Variants in FRRS1 observed in about 807,000 individuals in gnomAD.
FRRS1 encodes the protein ferric reductase 1.
In FRRS1, 51 loss-of-function variants were observed where a neutral mutation model predicts 70.7. That is an observed-to-expected ratio of 0.72 (90% CI 0.58 to 0.91). The LOEUF is 0.91. Among genes scored for constraint, FRRS1 ranks in the 40% least tolerant of loss-of-function variants. FRRS1 has a pLI of 0.00. For synonymous variants in FRRS1, 225 were observed against 238.7 expected (o/e 0.94, Z 0.53); for missense variants, 672 against 726.0 (o/e 0.93, Z 0.86).
chr1:99,717,561 A>C, intron 10 of FRRS1, 36 bp from the exon 11 acceptor site: 2 of 1,394,774 alleles, frequency 1.4e-6, no homozygotes, highest in African/African-American at 2.8e-5. Flanking sequence ...AGACAATCAC[A>C]AACGAATCAA....
At chr1:99,715,424 C>T (rs76704112) in intron 12 of FRRS1, among the ~76,000 whole-genome samples, 162 bp downstream of exon 12, 106 of 152,172 alleles carry the variant, frequency 7.0e-4, no homozygotes, top group African/African-American at 2.4e-3. Context: ...CTCACTATAC[C>T]CCAACCTCCA....
chr1:99,734,236 CT>C (rs547752422), intron 7 of FRRS1, among the ~76,000 whole-genome samples: 129 of 152,202 alleles, frequency 8.5e-4, no homozygotes, highest in Admixed American at 2.0e-3. Flanking sequence ...ATTGGGACAG[CT>C]GGGAAAATTG....
Position 99,708,680 on chromosome 1 carries a change from A to C in FRRS1, c.*348T>G, listed in dbSNP as rs1654133622. The C allele has an allele frequency of 5.1e-6, 1 of 194,250 alleles. No individual in the cohort carries two copies. The highest frequency in any genetic ancestry group is 2.8e-5 in the African/African-American group (1 of 35,864). 12.0% of individuals were successfully genotyped at this position (194,250 alleles called of 1,614,324 possible). On this transcript the variant is annotated 3_prime_UTR_variant, in exon 17 of 17. Coordinates refer to ENST00000646001, the MANE Select transcript of FRRS1 (RefSeq NM_001361041.2). ...TATATATATCGTAATATATCTCTTT[A>C]TTATCCTAGTGACATCTGTTGTGAT...
intron 8 of FRRS1, 96 bp from the exon 9 acceptor site, chr1:99,728,736 T>A: frequency 1.0e-6 from 1 of 990,168 alleles, no homozygotes; most frequent in Non-Finnish European, 1.5e-6. Flanking sequence ...TTCCTTTCTC[T>A]AAGATCGTAT....
At chr1:99,717,687 T>C (rs1654603384) in intron 10 of FRRS1, among the ~76,000 whole-genome samples, 162 bp from the exon 11 acceptor site, 1 of 152,214 alleles carries the variant, frequency 6.6e-6, no homozygotes. Flanking sequence ...TTTACTACCA[T>C]TACTCTTTCG....
rs1392826604 is a variant in FRRS1, at chr1:99,708,664, C to A, written c.*364G>T. On this transcript the variant is annotated 3_prime_UTR_variant, in exon 17 of 17. Coordinates refer to ENST00000646001, the MANE Select transcript of FRRS1 (RefSeq NM_001361041.2). ...TATATATATATATATATATATATAT[C>A]GTAATATATCTCTTTATTATCCTAG... The A allele has an allele frequency of 1.2e-4, 12 of 100,196 alleles. No individual in the cohort carries two copies. Among genetic ancestry groups the A allele is most frequent in the South Asian group, 2.4e-4 (1 of 4,216 alleles). 6.2% of individuals were successfully genotyped at this position (100,196 alleles called of 1,614,324 possible). A position where few individuals can be genotyped will look rare whatever the true frequency, so the allele number is the denominator to read the frequency against.
chr1:99,704,017 A>T lies in FRRS1; in HGVS notation c.*5011T>A, dbSNP rs952774955. ...TCAGCATAATGTTTTCAAGATGAAT[A>T]TCAAATATTTTTTATAAAAAGTATA... On this transcript the variant is annotated 3_prime_UTR_variant, in exon 17 of 17. Transcript: ENST00000646001. Among the ~76,000 whole-genome samples, 2 of 152,190 alleles carry T rather than the reference A, an allele frequency of 1.3e-5. No individual in the cohort carries two copies. Among genetic ancestry groups the T allele is most frequent in the Admixed American group, 1.3e-4 (2 of 15,280 alleles).
chr1:99,723,481 A>C (rs1177693085), intron 9 of FRRS1, among the ~76,000 whole-genome samples: 1 of 152,180 alleles, frequency 6.6e-6, no homozygotes, highest in African/African-American at 2.4e-5. Flanking sequence ...GCACCACTGC[A>C]CTCCAGCCTG....
At chr1:99,745,105 T>C (rs997453255) in intron 4 of FRRS1, among the ~76,000 whole-genome samples, 2 of 151,974 alleles carry the variant, frequency 1.3e-5, no homozygotes, top group Non-Finnish European at 2.9e-5. Flanking sequence ...AAGTCACTTA[T>C]TAGTAAAGAA....
At position 99,728,486 on chromosome 1, in the gene FRRS1, T is replaced by C. The variant is rs1655175249; in HGVS notation, c.1006+7A>G. ...CACTTGAAAAGACAGCTTAACAATA[T>C]ACTTACCATCATTAGCTGCACCATC... On this transcript the variant is annotated splice_region_variant and intron_variant, in intron 9 of 16. Transcript: ENST00000646001. The C allele has an allele frequency of 1.9e-6, 3 of 1,605,296 alleles. No individual in the cohort carries two copies. Among genetic ancestry groups the C allele is most frequent in the Non-Finnish European group, 2.6e-6 (3 of 1,173,606 alleles).
chr1:99,723,697 A>G (rs559848409), intron 9 of FRRS1, among the ~76,000 whole-genome samples: 1 of 152,334 alleles, frequency 6.6e-6, no homozygotes, highest in South Asian at 2.1e-4. Flanking sequence ...ATATATCAAT[A>G]GAGGAACAGA....
intron 7 of FRRS1, among the ~76,000 whole-genome samples, chr1:99,734,519 T>C (rs995344690): frequency 6.6e-6 from 1 of 152,120 alleles, no homozygotes; most frequent in Non-Finnish European, 1.5e-5. Flanking sequence ...CACTGTACTA[T>C]CTTTTTAACT....
At chr1:99,757,272 T>C (rs1416228) in intron 1 of FRRS1, among the ~76,000 whole-genome samples, 75,099 of 151,928 alleles carry the variant, frequency 0.49, 22,580 homozygotes, top group African/African-American at 0.85. Context: ...TGCATTATTT[T>C]ACGATCTACC....
At chr1:99,714,502 AT>A (rs1410404732) in intron 12 of FRRS1, among the ~76,000 whole-genome samples, 1 of 152,148 alleles carries the variant, frequency 6.6e-6, no homozygotes, top group African/African-American at 2.4e-5. Context: ...TTAAAAAAAA[AT>A]AACTGTCTTC....
intron 10 of FRRS1, 89 bp from the exon 11 acceptor site, chr1:99,717,614 A>C (rs1571100255): frequency 6.0e-6 from 5 of 832,128 alleles, no homozygotes; most frequent in African/African-American, 1.7e-5. Context: ...GAAAATATAA[A>C]CAGCCAGCAA....
intron 10 of FRRS1, 50 bp downstream of exon 10, chr1:99,719,484 T>C (rs771601736): frequency 2.2e-6 from 2 of 915,080 alleles, no homozygotes; most frequent in Non-Finnish European, 3.7e-6. Flanking sequence ...CAGCCAGCAC[T>C]GAGTCAGCAG....
At chr1:99,711,019 T>G (rs750151726) in intron 14 of FRRS1, 70 bp from the exon 15 acceptor site, 82 of 1,343,388 alleles carry the variant, frequency 6.1e-5, no homozygotes, top group Non-Finnish European at 8.5e-5. Flanking sequence ...TGTTTGTGTA[T>G]GTGTATTATC....
intron 4 of FRRS1, among the ~76,000 whole-genome samples, chr1:99,747,070 T>C (rs1008317798): frequency 1.3e-5 from 2 of 151,606 alleles, no homozygotes; most frequent in African/African-American, 4.9e-5. Context: ...GATTTTTCTC[T>C]TGTCTAGCTT....
rs1201199478 is a variant in FRRS1 at position 99,705,521 on chromosome 1, A to C, written c.*3507T>G. Among the ~76,000 whole-genome samples the C allele has an allele frequency of 1.3e-5, 2 of 152,192 alleles. No individual in the cohort carries two copies. Among genetic ancestry groups the C allele is most frequent in the African/African-American group, 4.8e-5 (2 of 41,452 alleles). ...ATACAGATAAATAGAATTTCAGCCA[A>C]ACACTACATGTGCCCTGAGAGCTTC... On this transcript the variant is annotated 3_prime_UTR_variant, in exon 17 of 17. Coordinates refer to ENST00000646001, the MANE Select transcript of FRRS1 (RefSeq NM_001361041.2).
Sources: gnomAD v4.1 joint callset for allele counts (sites outside exome capture counted in the v4.1 genomes callset) on GRCh38, gnomAD v4.1.1 for gene constraint, MANE v1.5 for transcripts, NCBI Gene and HGNC (gene_info 2026-07-23, HGNC 2026-07-21) for gene names.